FBRSL1: variants seen among roughly 807,000 people sequenced by gnomAD.
FBRSL1 encodes fibrosin like 1.
A neutral mutation model predicts 89.6 loss-of-function variants in FBRSL1; 51 were observed. The ratio of observed to expected loss-of-function variants is 0.57; its 90% CI spans 0.45 to 0.72. FBRSL1 has a LOEUF of 0.72. Ranked by LOEUF, FBRSL1 falls within the 30% of genes least tolerant of loss-of-function variation. The probability of loss-of-function intolerance (pLI) is 0.00; values close to 1 mark genes in which losing one functional copy is unlikely to be tolerated. For missense variants in FBRSL1, 1,618 were observed against 1,451.8 expected (o/e 1.11, Z -1.86); for synonymous variants, 779 against 681.1 (o/e 1.14, Z -2.24).
chr12:132,570,501 C>G lies in FBRSL1; in HGVS notation c.1174C>G (p.Leu392Val), dbSNP rs1024129472. ...CCCGACACTGCCCCCGCCCCCGGCG[C>G]TGCCGGCCAGCAGCCTGGTCCTCCC... ...APPTLPPPPA[L>V]PASSLVLPGH... The change falls in exon 8 of 19, where the codon CTG (leucine) becomes GTG (valine). Residue 392 changes from leucine (L) to valine (V), a missense_variant. Transcript: ENST00000680143. 7 of 1,527,036 alleles carry G rather than the reference C, an allele frequency of 4.6e-6. No homozygotes were observed. The African/African-American group carries it at 5.5e-5, about 12-fold the overall frequency. The allele number at this position is 1,527,036 out of a possible 1,614,324, so 94.6% of individuals were successfully genotyped here.
chr12:132,508,049 C>T, intron 1 of FBRSL1, 104 bp from the exon 2 acceptor site: 1 of 1,249,504 alleles, frequency 8.0e-7, no homozygotes, highest in South Asian at 1.5e-5. Flanking sequence ...GTGCCCCTCC[C>T]AAGTGGGGAG....
At chr12:132,502,970 C>G (rs369176886) in intron 1 of FBRSL1, among the ~76,000 whole-genome samples, 43 of 151,836 alleles carry the variant, frequency 2.8e-4, no homozygotes, top group South Asian at 1.7e-3. Context: ...CTCCATGACA[C>G]CGTCACCAAT....
rs1593282378 is a variant in FBRSL1, at chr12:132,509,942, G to T, written c.489+1592G>T. On this transcript the variant is annotated intron_variant, in intron 2 of 18. Coordinates refer to ENST00000680143, the MANE Select transcript of FBRSL1 (RefSeq NM_001367871.1). ...TCCTAGCCCCGTGTCAGTACGGCCA[G>T]CCCCGAAGGTCCCTGCTGGGCCAGC... 3 of 1,231,468 alleles carry T rather than the reference G, an allele frequency of 2.4e-6. No individual in the cohort carries two copies. In the African/African-American group the frequency reaches 4.7e-5, roughly 19 times the overall value. 76.3% of individuals were successfully genotyped at this position (1,231,468 alleles called of 1,614,324 possible).
chr12:132,526,267 C>T (rs902308985), intron 3 of FBRSL1, among the ~76,000 whole-genome samples: 2 of 152,212 alleles, frequency 1.3e-5, no homozygotes, highest in South Asian at 4.1e-4. Flanking sequence ...GAGGTTTCTG[C>T]TGACTGGAAC....
intron 3 of FBRSL1, among the ~76,000 whole-genome samples, chr12:132,527,100 C>A (rs1017471101): frequency 6.6e-6 from 1 of 151,402 alleles, no homozygotes; most frequent in African/African-American, 2.4e-5. Context: ...CCAGCCCCAA[C>A]CCCCACCACC....
chr12:132,531,962 C>T (rs1038334565), intron 4 of FBRSL1, among the ~76,000 whole-genome samples: 1 of 152,224 alleles, frequency 6.6e-6, no homozygotes, highest in Admixed American at 6.5e-5. Flanking sequence ...ACCGTCAGTG[C>T]TGTAAGGTAG....
intron 2 of FBRSL1, chr12:132,510,896 T>G: frequency 5.0e-6 from 5 of 1,004,180 alleles, no homozygotes; most frequent in East Asian, 1.0e-4. Context: ...ACGTGCACGC[T>G]TGCCCCTGGC....
intron 15 of FBRSL1, chr12:132,580,777 C>T: frequency 1.0e-6 from 1 of 985,432 alleles, no homozygotes; most frequent in Non-Finnish European, 1.2e-6. Context: ...AAAGATGACG[C>T]CCTGCTGGTC....
chr12:132,551,271 T>C, intron 5 of FBRSL1: 1 of 396,922 alleles, frequency 2.5e-6, no homozygotes, highest in Non-Finnish European at 5.2e-6. Context: ...GTGCCCACAT[T>C]TACAGGGACC....
At chr12:132,542,205 G>A (rs1010436932) in intron 4 of FBRSL1, among the ~76,000 whole-genome samples, 1 of 152,220 alleles carries the variant, frequency 6.6e-6, no homozygotes, top group Non-Finnish European at 1.5e-5. Context: ...ATGTGCACAC[G>A]GCAGATGCTC....
intron 11 of FBRSL1, among the ~76,000 whole-genome samples, chr12:132,573,085 T>C (rs372151923): frequency 6.6e-6 from 1 of 152,190 alleles, no homozygotes; most frequent in South Asian, 2.1e-4. Context: ...AGCAGGAGGT[T>C]GTGTGCCATC....
At chr12:132,542,718 C>T (rs993796252) in intron 4 of FBRSL1, among the ~76,000 whole-genome samples, 1 of 152,216 alleles carries the variant, frequency 6.6e-6, no homozygotes, top group Admixed American at 6.5e-5. Context: ...ATCTCCTCCC[C>T]ACCCTGCCTG....
intron 5 of FBRSL1, among the ~76,000 whole-genome samples, chr12:132,567,053 G>A (rs1055944164): frequency 6.6e-6 from 1 of 152,214 alleles, no homozygotes; most frequent in Non-Finnish European, 1.5e-5. Flanking sequence ...AGCAGGAGGT[G>A]TGTCCCGGGG....
intron 11 of FBRSL1, among the ~76,000 whole-genome samples, chr12:132,573,021 A>G (rs1042771634): frequency 6.6e-6 from 1 of 152,080 alleles, no homozygotes; most frequent in African/African-American, 2.4e-5. Flanking sequence ...GGCCGTCCAC[A>G]CCGTGGGGGA....
Position 132,546,330 on chromosome 12 carries a change from C to T in FBRSL1, c.616-1673C>T, listed in dbSNP as rs1013735266. Among the ~76,000 whole-genome samples, 5 of 152,258 alleles carry T rather than the reference C, an allele frequency of 3.3e-5. No individual in the cohort carries two copies. The highest frequency in any genetic ancestry group is 4.8e-5 in the African/African-American group (2 of 41,472). ...CTGTGGCCCAGCCCTTGGTGAGCTCCGCACCTGCAGCCTCCGGGGCGGGAT... is the reference window on the plus strand; with the variant it reads ...CTGTGGCCCAGCCCTTGGTGAGCTCTGCACCTGCAGCCTCCGGGGCGGGAT... On this transcript the variant is annotated intron_variant, in intron 4 of 18. Coordinates refer to ENST00000680143, the MANE Select transcript of FBRSL1 (RefSeq NM_001367871.1). This position sits in a 1 kb window ranked among gnomAD's most constrained non-coding sequence, Gnocchi z 4.0.
chr12:132,518,003 C>G (rs1003899693), intron 2 of FBRSL1, among the ~76,000 whole-genome samples: 12 of 152,076 alleles, frequency 7.9e-5, no homozygotes, highest in African/African-American at 2.9e-4. Flanking sequence ...GCCCCAACTC[C>G]AGAGCTGGCG....
chr12:132,500,908 G>A (rs991689305), intron 1 of FBRSL1, among the ~76,000 whole-genome samples: 7 of 152,200 alleles, frequency 4.6e-5, no homozygotes, highest in African/African-American at 1.2e-4. Flanking sequence ...TCATACCCCA[G>A]CAGGCCTCTG....
chr12:132,507,162 C>T (rs2033789892), intron 1 of FBRSL1: 9 of 981,428 alleles, frequency 9.2e-6, no homozygotes, highest in South Asian at 4.7e-5. Context: ...TCCGTGGGGG[C>T]GGATCCTCCC....
At chr12:132,564,438 T>C (rs2039414108) in intron 5 of FBRSL1, among the ~76,000 whole-genome samples, 1 of 99,362 alleles carries the variant, frequency 1.0e-5, no homozygotes, top group African/African-American at 6.5e-5. Flanking sequence ...CCAGTGCCCC[T>C]CTGGGCTGGC....
Sources: allele counts gnomAD v4.1 joint callset (sites outside exome capture counted in the v4.1 genomes callset), GRCh38; gene constraint gnomAD v4.1.1; non-coding constraint Gnocchi (gnomAD v3.1); transcripts MANE v1.5; gene names NCBI Gene and HGNC (gene_info 2026-07-23, HGNC 2026-07-21).